The following CAMKK1 variants were observed in gnomAD, a reference collection of about 807,000 sequenced individuals.
CAMKK1 encodes the protein calcium/calmodulin-dependent protein kinase kinase 1.
Under a neutral mutation model 63.5 loss-of-function variants are expected in CAMKK1, and 20 were observed. That is an observed-to-expected ratio of 0.32 (90% CI 0.22 to 0.46). CAMKK1 has a LOEUF of 0.46. Ranked by LOEUF, CAMKK1 falls within the 20% of genes least tolerant of loss-of-function variation. The pLI, the probability that CAMKK1 is intolerant of heterozygous loss-of-function variation, is 1.00. For missense variants in CAMKK1, 588 were observed against 658.1 expected (o/e 0.89, Z 1.17); for synonymous variants, 253 against 269.0 (o/e 0.94, Z 0.58).
chr17:3,880,501 G>T, intron 8 of CAMKK1, 67 bp from the exon 9 acceptor site: 1 of 1,220,998 alleles, frequency 8.2e-7, no homozygotes, highest in Non-Finnish European at 1.2e-6. Context: ...CAGGTGGTCG[G>T]GACGTCCCGG....
At position 3,890,941 on chromosome 17, in the gene CAMKK1, C is replaced by T. The variant is rs369333211; in HGVS notation, c.-44+1998G>A. 2.6e-5 allele frequency among the ~76,000 whole-genome samples: 4 copies of T among 152,166 alleles called. No individual in the cohort carries two copies. Among genetic ancestry groups the T allele is most frequent in the African/African-American group, 7.2e-5 (3 of 41,430 alleles). On this transcript the variant is annotated intron_variant, in intron 1 of 15. Transcript: ENST00000348335. The surrounding 1 kb of genome is among the most constrained non-coding windows in gnomAD (Gnocchi z 6.5). ...TCGTTTCCCACTATGTGGGTCTTCC[C>T]TGACTCCAGGCTAACACCTCCACCC... is the stretch of plus-strand genomic sequence containing the variant.
chr17:3,872,720 G>C, intron 11 of CAMKK1, 93 bp from the exon 12 acceptor site: 1 of 1,042,202 alleles, frequency 9.6e-7, no homozygotes, highest in Non-Finnish European at 1.5e-6. Flanking sequence ...GGCAGGGGTA[G>C]GGGGCAGGTC....
Position 3,880,783 on chromosome 17 carries a change from CT to C in CAMKK1, c.708-350del, listed in dbSNP as rs35363183. Reference sequence around the variant, plus strand: ...AAATCAATTTAGTGGGTGGCAACTGCTTTTTTTTTTTTTTCCTAAATAAGTA... The same window carrying C: ...AAATCAATTTAGTGGGTGGCAACTGCTTTTTTTTTTTTTCCTAAATAAGTA... On this transcript the variant is annotated intron_variant, in intron 8 of 15. Transcript: ENST00000348335. Among the ~76,000 whole-genome samples, 184 of 143,984 alleles carry C rather than the reference CT, an allele frequency of 1.3e-3. 1 individual carries two copies. The highest frequency in any genetic ancestry group is 1.8e-3 in the Admixed American group (26 of 14,592). The allele number at this position is 143,984 out of a possible 152,430, so 94.5% of individuals were successfully genotyped here.
intron 7 of CAMKK1, chr17:3,881,942 G>A (rs1177743522): frequency 1.8e-6 from 1 of 541,648 alleles, no homozygotes; most frequent in African/African-American, 1.9e-5. Flanking sequence ...TTTCCTAAAG[G>A]TCATAGCAGA....
chr17:3,868,642 G>A (rs1385145324), intron 14 of CAMKK1, among the ~76,000 whole-genome samples: 1 of 152,036 alleles, frequency 6.6e-6, no homozygotes, highest in Non-Finnish European at 1.5e-5. Context: ...CGCTGAGCAA[G>A]GGCCATCTAT....
intron 11 of CAMKK1, 30 bp downstream of exon 11, chr17:3,873,379 C>T: frequency 3.7e-6 from 6 of 1,611,412 alleles, no homozygotes; most frequent in Middle Eastern, 1.7e-4. Context: ...CTGGACCCGC[C>T]CCAGCTCTGC....
Position 3,864,468 on chromosome 17 carries a change from G to C in CAMKK1, c.1445+1440C>G, listed in dbSNP as rs576329877. Reference sequence around the variant, plus strand: ...TCACCGTGTTAGCCAGGATGGTCTCGATCTCCTGACCCTGTGATCCACCCG... The same window carrying C: ...TCACCGTGTTAGCCAGGATGGTCTCCATCTCCTGACCCTGTGATCCACCCG... On this transcript the variant is annotated intron_variant, in intron 15 of 15. Transcript: ENST00000348335. Among the ~76,000 whole-genome samples the C allele has an allele frequency of 2.7e-5, 4 of 150,096 alleles. No homozygotes were observed. The South Asian group carries it at 8.4e-4, about 32-fold the overall frequency.
rs945834002 is a variant in CAMKK1, at chr17:3,865,662, C to T, written c.1445+246G>A. The T allele has an allele frequency of 4.4e-6, 6 of 1,373,174 alleles. No homozygotes were observed. The African/African-American group carries it at 8.7e-5, about 20-fold the overall frequency. The allele number at this position is 1,373,174 out of a possible 1,614,324, so 85.1% of individuals were successfully genotyped here. A position where few individuals can be genotyped will look rare whatever the true frequency, so the allele number is the denominator to read the frequency against. ...CCATGGAGGGGCTGCGTGAGCTCCT[C>T]ATCCCTGGAAGTGTGTGTGTGAGGG... On this transcript the variant is annotated intron_variant, in intron 15 of 15. Coordinates refer to ENST00000348335, the MANE Select transcript of CAMKK1 (RefSeq NM_032294.3).
rs1339851177 is a variant in CAMKK1 at position 3,860,567 on chromosome 17, T to C, written c.*1644A>G. 2 of 152,586 alleles carry C rather than the reference T, an allele frequency of 1.3e-5. No individual in the cohort carries two copies. The highest frequency in any genetic ancestry group is 6.5e-5 in the Admixed American group (1 of 15,284). The allele number at this position is 152,586 out of a possible 1,614,324, so 9.5% of individuals were successfully genotyped here. ...TCAAGAAACACTTGGGGATCAGTGA[T>C]TGGCTCTTAACTTGCCTTCCACTAA... On this transcript the variant is annotated 3_prime_UTR_variant, in exon 16 of 16. Transcript: ENST00000348335.
At chr17:3,863,071 A>G (rs1264083762) in intron 15 of CAMKK1, among the ~76,000 whole-genome samples, 2 of 152,268 alleles carry the variant, frequency 1.3e-5, no homozygotes, top group Non-Finnish European at 2.9e-5. Flanking sequence ...CATATTCAAC[A>G]GATTTCTATA....
chr17:3,886,436 A>C (rs2055654748), intron 1 of CAMKK1, among the ~76,000 whole-genome samples: 1 of 152,196 alleles, frequency 6.6e-6, no homozygotes, highest in South Asian at 2.1e-4. Flanking sequence ...GTTCGAGACT[A>C]GCCTGGCTAA....
intron 14 of CAMKK1, 95 bp from the exon 15 acceptor site, chr17:3,866,106 C>T (rs1252001221): frequency 6.2e-6 from 9 of 1,461,452 alleles, no homozygotes; most frequent in African/African-American, 2.8e-5. Context: ...CCAAGGGGGC[C>T]GCAGTGCGGG....
rs140330846 is a variant in CAMKK1 at position 3,876,353 on chromosome 17, A to G, written c.866T>C (p.Val289Ala). ...GCTGACGCCAAAGTCGGCGATCTTCACGTGCCCATCATCCCCCAGGAGCAG... is the reference window on the plus strand; with the variant it reads ...GCTGACGCCAAAGTCGGCGATCTTCGCGTGCCCATCATCCCCCAGGAGCAG... ...SNLLLGDDGH[V>A]KIADFGVSNQ... is the part of the protein sequence containing the mutation. Residue 289 changes from valine (V) to alanine (A), a missense_variant, in exon 10 of 16, where the codon GTG becomes GCG. Transcript: ENST00000348335. The G allele has an allele frequency of 4.8e-5, 78 of 1,614,156 alleles. 1 individual carries two copies. The Admixed American group carries it at 1.3e-3, about 27-fold the overall frequency.
chr17:3,863,388 CTTGGGAGGCT>C (rs2054392440), intron 15 of CAMKK1, among the ~76,000 whole-genome samples: 1 of 152,082 alleles, frequency 6.6e-6, no homozygotes, highest in African/African-American at 2.4e-5. Flanking sequence ...ATCCCAGCTA[CTTGGGAGGCT>C]GAGGCAAGAG....
intron 2 of CAMKK1, 104 bp downstream of exon 2, chr17:3,885,224 A>G (rs1483533104): frequency 1.1e-5 from 14 of 1,332,754 alleles, no homozygotes; most frequent in Non-Finnish European, 1.3e-5. Context: ...GAGGGTATGC[A>G]AACCAAAGCT....
Position 3,861,631 on chromosome 17 carries a change from AAAGT to A in CAMKK1, c.*576_*579del, listed in dbSNP as rs1471814484. On this transcript the variant is annotated 3_prime_UTR_variant, in exon 16 of 16. Coordinates refer to ENST00000348335, the MANE Select transcript of CAMKK1 (RefSeq NM_032294.3). ...TCCCCGAACCCCCAGGTTAAAAACA[AAAGT>A]AAAAGACAACAAAAAAGGAATCAGA... 1 of 153,224 alleles carries A rather than the reference AAAGT, an allele frequency of 6.5e-6. No homozygotes were observed. Among genetic ancestry groups the A allele is most frequent in the Non-Finnish European group, 1.5e-5 (1 of 68,748 alleles). 9.5% of individuals were successfully genotyped at this position (153,224 alleles called of 1,614,324 possible).
rs1193863835 is a variant in CAMKK1 at position 3,885,747 on chromosome 17, GAGA to G, written c.-43-20_-43-18del. The G allele has an allele frequency of 1.3e-6, 2 of 1,593,426 alleles. No homozygotes were observed. Among genetic ancestry groups the G allele is most frequent in the South Asian group, 2.2e-5 (2 of 89,908 alleles). On this transcript the variant is annotated intron_variant, in intron 1 of 15. Coordinates refer to ENST00000348335, the MANE Select transcript of CAMKK1 (RefSeq NM_032294.3). ...GTTGGGAACCTGAGAAAAGAAGGCA[GAGA>G]AGGCTTCACTCCTGGGTGTCAGGCT...
intron 9 of CAMKK1, among the ~76,000 whole-genome samples, chr17:3,878,276 C>T (rs901001941): frequency 1.2e-4 from 18 of 152,334 alleles, no homozygotes; most frequent in East Asian, 1.9e-4. Flanking sequence ...AGGTCTTCAG[C>T]GCCCTCGTGC....
At chr17:3,874,116 CT>C (rs1187350857) in intron 10 of CAMKK1, among the ~76,000 whole-genome samples, 16 of 152,246 alleles carry the variant, frequency 1.1e-4, no homozygotes, top group Non-Finnish European at 8.8e-5. Flanking sequence ...GATGCATCAT[CT>C]GAATCCAACC....
Sources: allele counts gnomAD v4.1 joint callset (sites outside exome capture counted in the v4.1 genomes callset), GRCh38; gene constraint gnomAD v4.1.1; non-coding constraint Gnocchi (gnomAD v3.1); transcripts MANE v1.5; gene names NCBI Gene and HGNC (gene_info 2026-07-23, HGNC 2026-07-21).